The following TENM2 variants were observed in gnomAD, a reference collection of about 807,000 sequenced individuals.
TENM2 encodes the protein teneurin-2.
A neutral mutation model predicts 245.2 loss-of-function variants in TENM2; 52 were observed. That is an observed-to-expected ratio of 0.21 (90% CI 0.17 to 0.27). The LOEUF (loss-of-function observed/expected upper bound fraction) is 0.27, where lower values mean the gene tolerates loss of function less well. TENM2 is among the 10% of genes least tolerant of loss of function. TENM2 has a pLI of 1.00. For missense variants in TENM2, 3,046 were observed against 3,666.8 expected (o/e 0.83, Z 4.37); for synonymous variants, 1,363 against 1,438.9 (o/e 0.95, Z 1.19).
the TENM2 span, among the ~76,000 whole-genome samples, chr5:167,142,655 A>G: frequency 6.6e-6 from 1 of 152,168 alleles, no homozygotes; most frequent in South Asian, 2.1e-4. Flanking sequence ...GGTTCAAGTG[A>G]TTCTCCTGCC....
chr5:167,943,269 A>G (rs1021821217), intron 3 of TENM2, among the ~76,000 whole-genome samples: 2 of 152,162 alleles, frequency 1.3e-5, no homozygotes, highest in African/African-American at 4.8e-5. Flanking sequence ...CTTGGTATTA[A>G]TGAATGGTGT....
At chr5:167,826,125 C>G (rs1767957647) in intron 2 of TENM2, among the ~76,000 whole-genome samples, 1 of 152,196 alleles carries the variant, frequency 6.6e-6, no homozygotes, top group South Asian at 2.1e-4. Context: ...AAATCTCAGG[C>G]AGACAAAATC....
chr5:167,724,548 T>C (rs1759858013), intron 2 of TENM2, among the ~76,000 whole-genome samples: 1 of 151,836 alleles, frequency 6.6e-6, no homozygotes, highest in South Asian at 2.1e-4. Context: ...GACAGTAGAG[T>C]AGGAAGGAGA....
At chr5:167,012,297 G>A in the TENM2 span, among the ~76,000 whole-genome samples, 65,224 of 151,990 alleles carry the variant, frequency 0.43, 14,299 homozygotes, top group African/African-American at 0.47. Context: ...CCAAATGTCT[G>A]GAACATTTCA....
At chr5:167,693,229 T>G (rs1432534814) in intron 2 of TENM2, among the ~76,000 whole-genome samples, 2 of 152,108 alleles carry the variant, frequency 1.3e-5, no homozygotes, top group Non-Finnish European at 2.9e-5. Context: ...GCAATTGCCG[T>G]ACCAAATCTC....
intron 7 of TENM2, among the ~76,000 whole-genome samples, chr5:168,074,916 A>T (rs1791332550): frequency 6.6e-6 from 1 of 152,200 alleles, no homozygotes; most frequent in Admixed American, 6.5e-5. Context: ...GTATAATGTT[A>T]AAACTACCCA....
Position 167,468,918 on chromosome 5 carries a change from C to T in TENM2, c.502+93445C>T, listed in dbSNP as rs1036011541. On this transcript the variant is annotated intron_variant, in intron 2 of 28. Coordinates refer to ENST00000518659, the Ensembl canonical transcript of TENM2. The stretch of plus-strand genomic sequence containing the variant: ...TGATAGAAGACATTTCTATTGTACT[C>T]AATTGAAGGTCTACCTTTCCCATGT... Among the ~76,000 whole-genome samples, 7 of 152,264 alleles carry T rather than the reference C, an allele frequency of 4.6e-5. No homozygotes were observed. In the East Asian group the frequency reaches 1.3e-3, roughly 29 times the overall value.
At chr5:167,978,407 A>G (rs1199611155) in intron 4 of TENM2, among the ~76,000 whole-genome samples, 1 of 152,218 alleles carries the variant, frequency 6.6e-6, no homozygotes, top group Non-Finnish European at 1.5e-5. Flanking sequence ...GAAAAAGTGT[A>G]CACACACACT....
chr5:167,452,950 T>TATATATATATTTTAA lies in TENM2; in HGVS notation c.502+77487_502+77488insTTTAAATATATATAT, dbSNP rs1554157769. Among the ~76,000 whole-genome samples, 41 of 99,640 alleles carry TATATATATATTTTAA rather than the reference T, an allele frequency of 4.1e-4. 1 individual carries two copies. Among genetic ancestry groups the TATATATATATTTTAA allele is most frequent in the South Asian group, 1.0e-3 (3 of 2,980 alleles). 65.4% of individuals were successfully genotyped at this position (99,640 alleles called of 152,430 possible). A position where few individuals can be genotyped will look rare whatever the true frequency, so the allele number is the denominator to read the frequency against. On this transcript the variant is annotated intron_variant, in intron 2 of 28. Transcript: ENST00000518659. ...TATGATTTATATATATATATATATATATATATATATATTTAAAAAAAAAAA... is the reference window on the plus strand; with the variant it reads ...TATGATTTATATATATATATATATATATATATATATTTTAAATATATATATATTTAAAAAAAAAAA...
chr5:167,572,528 TA>T (rs1467443341), intron 2 of TENM2, among the ~76,000 whole-genome samples: 1 of 152,208 alleles, frequency 6.6e-6, no homozygotes, highest in Non-Finnish European at 1.5e-5. Context: ...GTTCACTTAC[TA>T]CTGTTTTAGC....
In TENM2 at chr5:167,319,586, A is replaced by T. The variant is rs528512321; in HGVS notation, c.226+34523A>T. 6.6e-5 allele frequency among the ~76,000 whole-genome samples: 10 copies of T among 152,322 alleles called. No individual in the cohort carries two copies. The South Asian group carries it at 1.2e-3, about 19-fold the overall frequency. On this transcript the variant is annotated intron_variant, in intron 1 of 28. Transcript: ENST00000518659. ...TTTTCGTTTACCCTCCTTATTGTAC[A>T]GTTGAAAAACAATACTCAGGGAAGT...
At chr5:167,228,675 C>G in the TENM2 span, among the ~76,000 whole-genome samples, 1 of 151,380 alleles carries the variant, frequency 6.6e-6, no homozygotes, top group African/African-American at 2.4e-5. Flanking sequence ...CATTAATAAT[C>G]TGGACGTCTG....
At chr5:167,963,582 G>A (rs1280616443) in intron 4 of TENM2, among the ~76,000 whole-genome samples, 1 of 152,194 alleles carries the variant, frequency 6.6e-6, no homozygotes, top group Non-Finnish European at 1.5e-5. Context: ...CATTAATACA[G>A]ATTTCTGGGT....
intron 2 of TENM2, among the ~76,000 whole-genome samples, chr5:167,787,070 A>G (rs1198165195): frequency 2.0e-5 from 3 of 152,194 alleles, no homozygotes; most frequent in Admixed American, 6.5e-5. Context: ...AGCAGAGATG[A>G]TTATCCCCAG....
the TENM2 span, among the ~76,000 whole-genome samples, chr5:167,098,811 C>T: frequency 6.0e-3 from 907 of 152,268 alleles, 12 homozygotes; most frequent in African/African-American, 0.02. Flanking sequence ...CTAAGCATGA[C>T]GCTTTCCATT....
At chr5:167,012,782 A>G in the TENM2 span, among the ~76,000 whole-genome samples, 2 of 152,228 alleles carry the variant, frequency 1.3e-5, no homozygotes, top group South Asian at 2.1e-4. Context: ...TTTTTTCCAC[A>G]AAGGCTGTCC....
At position 167,825,272 on chromosome 5, in the gene TENM2, C is replaced by T. The variant is rs17069224; in HGVS notation, c.503-50714C>T. ...CTAATGAGTACCTCTTTGCATAGTGCGTGTAGTACATGGGTTTCTGCAGGG... is the reference window on the plus strand; with the variant it reads ...CTAATGAGTACCTCTTTGCATAGTGTGTGTAGTACATGGGTTTCTGCAGGG... On this transcript the variant is annotated intron_variant, in intron 2 of 28. Transcript: ENST00000518659. 5.8e-4 allele frequency among the ~76,000 whole-genome samples: 87 copies of T among 150,808 alleles called. 1 individual carries two copies. In the East Asian group the frequency reaches 0.016, roughly 28 times the overall value.
intron 5 of TENM2, among the ~76,000 whole-genome samples, chr5:167,995,662 G>A (rs1015017336): frequency 6.6e-6 from 1 of 152,080 alleles, no homozygotes; most frequent in Non-Finnish European, 1.5e-5. Context: ...TTGCCTTCTG[G>A]GTCTTGGTTT....
At chr5:167,110,269 T>G in the TENM2 span, among the ~76,000 whole-genome samples, 1 of 152,234 alleles carries the variant, frequency 6.6e-6, no homozygotes, top group Non-Finnish European at 1.5e-5. Context: ...TTTGTTTACC[T>G]TTTTCATCCC....
Sources: gnomAD v4.1 joint callset for allele counts (sites outside exome capture counted in the v4.1 genomes callset) on GRCh38, gnomAD v4.1.1 for gene constraint, MANE v1.5 for transcripts, NCBI Gene and HGNC (gene_info 2026-07-23, HGNC 2026-07-21) for gene names.